DNAH12: variants seen among roughly 807,000 people sequenced by gnomAD.
The protein encoded by DNAH12 is axonemal beta dynein heavy chain 12.
In DNAH12, 285 loss-of-function variants were observed where a neutral mutation model predicts 371.5. That is an observed-to-expected ratio of 0.77 (90% confidence interval 0.70 to 0.85). The LOEUF (loss-of-function observed/expected upper bound fraction) is 0.85, where lower values mean the gene tolerates loss of function less well. Among genes scored for constraint, DNAH12 ranks in the 40% least tolerant of loss-of-function variants. The pLI is 0.00. For missense variants in DNAH12, 3,611 were observed against 3,689.4 expected, an observed-to-expected ratio of 0.98 and a Z score of 0.55; for synonymous variants, 1,200 against 1,213.0, an observed-to-expected ratio of 0.99 and a Z score of 0.22.
rs182314498 is a variant in DNAH12 at position 57,344,053 on chromosome 3, G to A, written c.9674+8032C>T. On this transcript the variant is annotated intron_variant, in intron 60 of 73. Coordinates refer to ENST00000495027, the MANE Select transcript of DNAH12 (RefSeq NM_001366028.2). Reference sequence around the variant, plus strand: ...AATCAATAAAAACTGAGGGAACTCAGAGGTCGATGCCGGTGCAGGTCCTTG... The same window carrying A: ...AATCAATAAAAACTGAGGGAACTCAAAGGTCGATGCCGGTGCAGGTCCTTG... Among the ~76,000 whole-genome samples the A allele has an allele frequency of 3.2e-3, 491 of 152,350 alleles. 1 individual carries two copies. Among genetic ancestry groups the A allele is most frequent in the Middle Eastern group, 6.8e-3 (2 of 294 alleles).
intron 29 of DNAH12, among the ~76,000 whole-genome samples, chr3:57,440,070 T>C (rs2065256859): frequency 1.3e-5 from 2 of 152,358 alleles, no homozygotes; most frequent in Admixed American, 1.3e-4. Context: ...ACTCATATGC[T>C]GTTGGTAGGA....
chr3:57,512,300 T>G (rs1253134196), intron 4 of DNAH12: 7 of 152,124 alleles, frequency 4.6e-5, no homozygotes, highest in Admixed American at 1.3e-4. Flanking sequence ...GCAGTTAAAT[T>G]TATAGAAACA....
intron 13 of DNAH12, among the ~76,000 whole-genome samples, chr3:57,477,221 C>T (rs1004823738): frequency 2.0e-5 from 3 of 152,188 alleles, no homozygotes; most frequent in African/African-American, 7.2e-5. Context: ...AGGTCACTCG[C>T]ACCCTAATAG....
chr3:57,328,015 A>C (rs935567942), intron 62 of DNAH12, among the ~76,000 whole-genome samples: 2 of 151,724 alleles, frequency 1.3e-5, no homozygotes, highest in African/African-American at 4.9e-5. Flanking sequence ...AACCAGGAAG[A>C]AGTTGAATCT....
intron 22 of DNAH12, 30 bp from the exon 23 acceptor site, chr3:57,454,924 A>G (rs1278803106): frequency 1.3e-6 from 2 of 1,530,068 alleles, no homozygotes; most frequent in African/African-American, 2.8e-5. Flanking sequence ...TTCTAACTTT[A>G]AAAGCTTGAA....
chr3:57,467,324 C>G (rs140669990), intron 17 of DNAH12, among the ~76,000 whole-genome samples: 3,971 of 152,034 alleles, frequency 0.026, 70 homozygotes, highest in Non-Finnish European at 0.034. Context: ...ACTATATTGG[C>G]CAGGCTGGTC....
chr3:57,468,835 T>C lies in DNAH12; in HGVS notation c.2250A>G (p.Arg750=). The C allele has an allele frequency of 6.5e-7, 1 of 1,531,290 alleles. No homozygotes were observed. Among genetic ancestry groups the C allele is most frequent in the Non-Finnish European group, 8.8e-7 (1 of 1,142,390 alleles). 94.9% of individuals were successfully genotyped at this position (1,531,290 alleles called of 1,614,324 possible). A position where few individuals can be genotyped will look rare whatever the true frequency, so the allele number is the denominator to read the frequency against. The change falls in exon 17 of 74, where the codon AGA becomes AGG. Residue 750 remains arginine, a synonymous_variant. Coordinates refer to ENST00000495027, the MANE Select transcript of DNAH12 (RefSeq NM_001366028.2). ...KELQEKRKAA[R]KRSLEEEKIE... Reference sequence around the variant, plus strand: ...TTTTCTCTTCTTCCAAAGACCGTTTTCTTGCTGCCTTTCTTTTTTCTTGTA... The same window carrying C: ...TTTTCTCTTCTTCCAAAGACCGTTTCCTTGCTGCCTTTCTTTTTTCTTGTA...
intron 32 of DNAH12, 76 bp downstream of exon 32, chr3:57,433,291 A>T: frequency 7.2e-7 from 1 of 1,392,108 alleles, no homozygotes; most frequent in Non-Finnish European, 9.4e-7. Context: ...TTTTAAATAG[A>T]GTCCTAGTTT....
Position 57,509,222 on chromosome 3 carries a change from A to G in DNAH12, c.470-10T>C, listed in dbSNP as rs1373185800. ...ACAAGAACGCTCTGCACTAAAATAC[A>G]TGGATATATTAATGCTTCTTGAAAA... On this transcript the variant is annotated splice_polypyrimidine_tract_variant and intron_variant, in intron 5 of 73. Coordinates refer to ENST00000495027, the MANE Select transcript of DNAH12 (RefSeq NM_001366028.2). 10 of 1,607,952 alleles carry G rather than the reference A, an allele frequency of 6.2e-6. No homozygotes were observed. The African/African-American group carries it at 9.4e-5, about 15-fold the overall frequency.
At chr3:57,454,491 A>AG (rs955945171) in intron 23 of DNAH12, among the ~76,000 whole-genome samples, 1 of 152,064 alleles carries the variant, frequency 6.6e-6, no homozygotes, top group African/African-American at 2.4e-5. Flanking sequence ...AAAAAAAAAA[A>AG]AAAATGAATA....
Position 57,323,140 on chromosome 3 carries a change from G to A in DNAH12, c.10250C>T (p.Thr3417Ile), listed in dbSNP as rs1055693687. The stretch of plus-strand genomic sequence containing the variant: ...ATGGCAATTCTGTAGGCACACCCAA[G>A]TTCCTTCTTCAATTGCTGCTTTAAT... The part of the protein sequence containing the change: ...KMIKAAIEEG[T>I]WVCLQNCHLA... Residue 3417 changes from threonine to isoleucine, a missense_variant, in exon 64 of 74, where the codon ACT becomes ATT. Physicochemically the swap from Thr to Ile is moderately conservative, Grantham distance 89 (BLOSUM62 -1). This residue lies in a region of DNAH12 where 2,266 missense variants were observed against 2,236.9 expected (regional missense o/e 1.01). Transcript: ENST00000495027. The A allele has an allele frequency of 9.0e-6, 14 of 1,552,258 alleles. 1 individual carries two copies. Among genetic ancestry groups the A allele is most frequent in the Non-Finnish European group, 1.2e-5 (14 of 1,147,156 alleles).
intron 29 of DNAH12, among the ~76,000 whole-genome samples, chr3:57,441,771 A>T (rs536135844): frequency 6.6e-6 from 1 of 152,280 alleles, no homozygotes; most frequent in Non-Finnish European, 1.5e-5. Flanking sequence ...CAGCCTCGGC[A>T]AAAGTGAGAC....
chr3:57,516,053 C>CTTTTTT lies in DNAH12; in HGVS notation c.280-5080_280-5075dup, dbSNP rs11395278. Among the ~76,000 whole-genome samples the CTTTTTT allele has an allele frequency of 4.2e-3, 301 of 71,984 alleles. 4 individuals are homozygous for CTTTTTT. The highest frequency in any genetic ancestry group is 0.019 in the Middle Eastern group (1 of 52). 47.2% of individuals were successfully genotyped at this position (71,984 alleles called of 152,430 possible). ...CCACTCCATTAATGTACTGCTTAGT[C>CTTTTTT]TTTTTTTTTTTTTTTTTTTTTTTTT... is the stretch of plus-strand genomic sequence containing the variant. On this transcript the variant is annotated intron_variant, in intron 4 of 73. Transcript: ENST00000495027.
intron 46 of DNAH12, among the ~76,000 whole-genome samples, chr3:57,386,824 G>C (rs1480726943): frequency 6.6e-6 from 1 of 152,104 alleles, no homozygotes; most frequent in African/African-American, 2.4e-5. Context: ...CACAAATCAA[G>C]TGAGATCCTA....
intron 29 of DNAH12, among the ~76,000 whole-genome samples, chr3:57,443,487 C>T (rs2065374574): frequency 6.6e-6 from 1 of 152,044 alleles, no homozygotes; most frequent in Non-Finnish European, 1.5e-5. Context: ...ATTTAAGCTT[C>T]ATTATAATAT....
chr3:57,511,454 A>C (rs1054856861), intron 4 of DNAH12, among the ~76,000 whole-genome samples: 3 of 152,230 alleles, frequency 2.0e-5, no homozygotes, highest in African/African-American at 7.2e-5. Context: ...AAAAATAGAC[A>C]CGAATGAATG....
At chr3:57,296,777 ATACAT>A in intron 71 of DNAH12, 65 bp downstream of exon 71, 2 of 1,492,010 alleles carry the variant, frequency 1.3e-6, no homozygotes, top group Admixed American at 4.4e-5. Context: ...ATGGGTTACA[ATACAT>A]AAACTCGGTT....
chr3:57,430,384 T>C (rs1394450489), intron 32 of DNAH12, among the ~76,000 whole-genome samples: 1 of 152,164 alleles, frequency 6.6e-6, no homozygotes, highest in Non-Finnish European at 1.5e-5. Flanking sequence ...TTTATTATCA[T>C]CTAATACTCA....
chr3:57,461,214 T>C (rs1008716595), intron 19 of DNAH12, among the ~76,000 whole-genome samples: 1 of 152,186 alleles, frequency 6.6e-6, no homozygotes, highest in Non-Finnish European at 1.5e-5. Context: ...TAATACCACC[T>C]GTTTTCCTCT....
Sources: gnomAD v4.1 joint callset for allele counts (sites outside exome capture counted in the v4.1 genomes callset) on GRCh38, gnomAD v4.1.1 for gene constraint, gnomAD v4.1.1 regional missense constraint, MANE v1.5 for transcripts, NCBI Gene and HGNC (gene_info 2026-07-23, HGNC 2026-07-21) for gene names.